The following TASP1 variants were observed in gnomAD, a reference collection of about 807,000 sequenced individuals.
TASP1 encodes the protein taspase 1.
A neutral mutation model predicts 56.6 loss-of-function variants in TASP1; 16 were observed. The ratio of observed to expected loss-of-function variants is 0.28; its 90% CI spans 0.19 to 0.43. The LOEUF (loss-of-function observed/expected upper bound fraction) is 0.43. Among genes scored for constraint, TASP1 ranks in the 20% least tolerant of loss-of-function variants. The pLI, the probability that TASP1 is intolerant of heterozygous loss-of-function variation, is 1.00. For missense variants in TASP1, 393 were observed against 511.6 expected (o/e 0.77, Z 2.24); for synonymous variants, 179 against 184.2 (o/e 0.97, Z 0.23).
the TASP1 span, among the ~76,000 whole-genome samples, chr20:13,329,306 A>G: frequency 6.6e-6 from 1 of 152,216 alleles, no homozygotes; most frequent in African/African-American, 2.4e-5. Context: ...GTGTAATGCA[A>G]TATGACTGGT....
chr20:13,581,351 C>T (rs1336404014), intron 5 of TASP1, among the ~76,000 whole-genome samples: 1 of 152,158 alleles, frequency 6.6e-6, no homozygotes, highest in African/African-American at 2.4e-5. Flanking sequence ...AAACTATATA[C>T]ATGCTCCAGG....
chr20:13,270,875 G>C, the TASP1 span: 2 of 818,838 alleles, frequency 2.4e-6, no homozygotes, highest in Non-Finnish European at 3.9e-6. Context: ...TTAAGATCAT[G>C]TTATCTCCAT....
intron 11 of TASP1, among the ~76,000 whole-genome samples, chr20:13,435,875 C>A (rs1471638130): frequency 6.6e-6 from 1 of 152,032 alleles, no homozygotes; most frequent in Non-Finnish European, 1.5e-5. Context: ...AAATCAAAAC[C>A]AATCAAATTG....
At chr20:13,139,381 C>T in the TASP1 span, among the ~76,000 whole-genome samples, 2 of 152,170 alleles carry the variant, frequency 1.3e-5, no homozygotes, top group Non-Finnish European at 2.9e-5. Context: ...TGTGGCTTAA[C>T]ACAATAGAAA....
chr20:13,169,910 G>A, the TASP1 span, among the ~76,000 whole-genome samples: 11 of 152,258 alleles, frequency 7.2e-5, no homozygotes, highest in East Asian at 1.9e-4. Context: ...AGGAAGGGGT[G>A]TCTTAATTTA....
At chr20:13,225,537 G>T in the TASP1 span, among the ~76,000 whole-genome samples, 1 of 151,986 alleles carries the variant, frequency 6.6e-6, no homozygotes, top group Non-Finnish European at 1.5e-5. Context: ...TTGACTCTTT[G>T]TATGACTGTC....
chr20:13,513,290 T>A (rs1323345268), intron 10 of TASP1, among the ~76,000 whole-genome samples: 1 of 152,018 alleles, frequency 6.6e-6, no homozygotes, highest in African/African-American at 2.4e-5. Flanking sequence ...CTCAAGGAGC[T>A]CCTAGGCTTT....
chr20:13,108,035 T>C, the TASP1 span, among the ~76,000 whole-genome samples: 1 of 152,190 alleles, frequency 6.6e-6, no homozygotes, highest in African/African-American at 2.4e-5. Context: ...GTATGCAGCA[T>C]CTTATTCATG....
the TASP1 span, among the ~76,000 whole-genome samples, chr20:13,319,222 G>GA: frequency 4.4e-4 from 64 of 144,314 alleles, no homozygotes; most frequent in South Asian, 2.4e-3. Flanking sequence ...TTAGGTAGAA[G>GA]AAAAAAAAAA....
At chr20:13,361,982 G>A in the TASP1 span, among the ~76,000 whole-genome samples, 51 of 150,806 alleles carry the variant, frequency 3.4e-4, no homozygotes, top group African/African-American at 1.1e-3. Flanking sequence ...ATCCAAAACC[G>A]TATCCAGGCC....
At chr20:13,630,893 A>G (rs1294196153) in intron 1 of TASP1, among the ~76,000 whole-genome samples, 1 of 152,082 alleles carries the variant, frequency 6.6e-6, no homozygotes, top group Non-Finnish European at 1.5e-5. Context: ...TCAATAATCA[A>G]TATGTGTAGT....
At chr20:13,468,461 T>C (rs1459358883) in intron 11 of TASP1, among the ~76,000 whole-genome samples, 1 of 152,174 alleles carries the variant, frequency 6.6e-6, no homozygotes, top group Non-Finnish European at 1.5e-5. Context: ...AAAGTCATAG[T>C]TATTTTCAAA....
chr20:13,444,989 A>C (rs567445060), intron 11 of TASP1, among the ~76,000 whole-genome samples: 6 of 152,316 alleles, frequency 3.9e-5, no homozygotes, highest in East Asian at 3.9e-4. Flanking sequence ...TTAACTTTTA[A>C]AGAGGAGAGG....
chr20:13,408,994 G>A (rs548918116), intron 13 of TASP1, among the ~76,000 whole-genome samples: 3 of 150,842 alleles, frequency 2.0e-5, no homozygotes, highest in African/African-American at 7.3e-5. Flanking sequence ...TTCTTATTTT[G>A]ATTATTTTCT....
intron 11 of TASP1, among the ~76,000 whole-genome samples, chr20:13,458,676 TA>T (rs956807792): frequency 6.6e-6 from 1 of 151,784 alleles, no homozygotes; most frequent in Non-Finnish European, 1.5e-5. Context: ...CTGGGATAAA[TA>T]AAAAAAAGAA....
the TASP1 span, among the ~76,000 whole-genome samples, chr20:13,331,163 T>C: frequency 6.6e-6 from 1 of 152,226 alleles, no homozygotes; most frequent in Non-Finnish European, 1.5e-5. Flanking sequence ...TAAACACTGC[T>C]TTATCTGCAT....
the TASP1 span, among the ~76,000 whole-genome samples, chr20:13,296,405 G>A: frequency 6.6e-6 from 1 of 152,222 alleles, no homozygotes; most frequent in East Asian, 1.9e-4. Flanking sequence ...TCAGTAAGGA[G>A]AGGATTTATT....
chr20:13,636,097 C>T (rs2049295342), intron 1 of TASP1, among the ~76,000 whole-genome samples: 1 of 151,140 alleles, frequency 6.6e-6, no homozygotes. Flanking sequence ...AGAAATCCAG[C>T]CCTTAAGCTA....
At chr20:13,280,023 C>T in the TASP1 span, 2 of 895,042 alleles carry the variant, frequency 2.2e-6, no homozygotes, top group Non-Finnish European at 1.7e-6. Flanking sequence ...AGGCAAACCT[C>T]ACAAAGGCTG....
Sources: gnomAD v4.1 joint callset for allele counts (sites outside exome capture counted in the v4.1 genomes callset) on GRCh38, gnomAD v4.1.1 for gene constraint, MANE v1.5 for transcripts, NCBI Gene and HGNC (gene_info 2026-07-23, HGNC 2026-07-21) for gene names.